The following TRMU variants were observed in gnomAD, a reference collection of about 807,000 sequenced individuals.
TRMU encodes mitochondrial tRNA-specific 2-thiouridylase 1.
Under a neutral mutation model 46.9 loss-of-function variants are expected in TRMU, and 49 were observed. That is an observed-to-expected ratio of 1.05 (90% CI 0.83 to 1.33). TRMU has a LOEUF of 1.33. Among genes scored for constraint, TRMU ranks in the 40% most tolerant of loss-of-function variants. TRMU has a pLI of 0.00. For synonymous variants in TRMU, 241 were observed against 200.9 expected, an observed-to-expected ratio of 1.20 and a Z score of -1.69; for missense variants, 572 against 532.4, an observed-to-expected ratio of 1.07 and a Z score of -0.73.
rs1209702570 is a variant in TRMU at position 46,335,763 on chromosome 22, G to A, written c.-2G>A. On this transcript the variant is annotated 5_prime_UTR_variant, in exon 1 of 11. Transcript: ENST00000645190. ...CAGCTGGCGAAGTTGGGCGACTGGC[G>A]GATGCAGGCCTTGCGGCACGTCGTG... 6 of 1,551,166 alleles carry A rather than the reference G, an allele frequency of 3.9e-6. No homozygotes were observed. The highest frequency in any genetic ancestry group is 5.2e-6 in the Non-Finnish European group (6 of 1,152,050).
chr22:46,343,820 C>T (rs1395957164), intron 3 of TRMU, among the ~76,000 whole-genome samples: 2 of 152,072 alleles, frequency 1.3e-5, no homozygotes, highest in Non-Finnish European at 2.9e-5. Context: ...AGTTCTGGCT[C>T]AGGCTTCTTG....
At chr22:46,355,689 G>C (rs1156556361) in intron 9 of TRMU, 101 bp downstream of exon 9, 2 of 1,572,064 alleles carry the variant, frequency 1.3e-6, no homozygotes, top group Non-Finnish European at 1.7e-6. Context: ...GGAAAGTCCC[G>C]TTGTGGAGAT....
chr22:46,350,334 C>CTTCT lies in TRMU; in HGVS notation c.527_530dup (p.Val180ProfsTer28). On this transcript the variant is annotated frameshift_variant, in exon 5 of 11. Transcript: ENST00000645190. LOFTEE classifies it high-confidence loss of function. The surrounding 1 kb of genome is among the most constrained non-coding windows in gnomAD (Gnocchi z 4.6). ...CAGCTGACAGCTTTAAAGACCAGACCTTCTTTCTCAGCCAGGTTTCCCAGG... is the reference window on the plus strand; with the variant it reads ...CAGCTGACAGCTTTAAAGACCAGACCTTCTTTCTTTCTCAGCCAGGTTTCCCAGG... 1 of 1,614,208 alleles carries CTTCT rather than the reference C, an allele frequency of 6.2e-7. No individual in the cohort carries two copies. Among genetic ancestry groups the CTTCT allele is most frequent in the Non-Finnish European group, 8.5e-7 (1 of 1,180,040 alleles).
intron 9 of TRMU, 37 bp from the exon 10 acceptor site, chr22:46,355,953 C>G: frequency 6.2e-7 from 1 of 1,610,214 alleles, no homozygotes; most frequent in Non-Finnish European, 8.5e-7. Context: ...CCAGGAAAGG[C>G]CTGTGCCCCC....
chr22:46,344,497 A>G (rs1014833473), intron 3 of TRMU, among the ~76,000 whole-genome samples: 2 of 152,220 alleles, frequency 1.3e-5, no homozygotes, highest in Non-Finnish European at 2.9e-5. Flanking sequence ...TTAGGATGAC[A>G]TTCTTTGTGT....
At chr22:46,346,574 A>G in intron 4 of TRMU, 30 bp downstream of exon 4, 1 of 1,601,728 alleles carries the variant, frequency 6.2e-7, no homozygotes, top group Non-Finnish European at 8.5e-7. Flanking sequence ...TCAGAGCCAA[A>G]TTCTTGTGAA....
intron 10 of TRMU, chr22:46,356,356 G>T: frequency 3.2e-5 from 16 of 504,078 alleles, no homozygotes; most frequent in South Asian, 3.1e-4. Context: ...AAATGGAAGG[G>T]GCATGAGGAC....
At chr22:46,353,345 G>A in intron 7 of TRMU, 1 of 257,904 alleles carries the variant, frequency 3.9e-6, no homozygotes, top group Admixed American at 4.7e-5. Flanking sequence ...ACATTGTGAG[G>A]GTGCGCAGAG....
chr22:46,338,047 C>T lies in TRMU; in HGVS notation c.248+103C>T, dbSNP rs1038171772. On this transcript the variant is annotated intron_variant, in intron 2 of 10. Transcript: ENST00000645190. This position sits in a 1 kb window ranked among gnomAD's most constrained non-coding sequence, Gnocchi z 4.5. ...GACCGACGCCTGTGCTGCAGCCCAG[C>T]GCTCTCCCTCCACGGTGGTGCTGAA... 109 of 1,511,782 alleles carry T rather than the reference C, an allele frequency of 7.2e-5. No homozygotes were observed. The highest frequency in any genetic ancestry group is 9.5e-5 in the Non-Finnish European group (104 of 1,092,546). 93.6% of individuals were successfully genotyped at this position (1,511,782 alleles called of 1,614,324 possible). A position where few individuals can be genotyped will look rare whatever the true frequency, so the allele number is the denominator to read the frequency against.
intron 1 of TRMU, among the ~76,000 whole-genome samples, chr22:46,337,183 C>T (rs1222025199): frequency 6.6e-6 from 1 of 152,174 alleles, no homozygotes; most frequent in Non-Finnish European, 1.5e-5. Flanking sequence ...TCATTACATT[C>T]AGCCTACCTA....
chr22:46,337,894 C>T lies in TRMU; in HGVS notation c.198C>T (p.Ile66=), dbSNP rs749041538. The T allele has an allele frequency of 6.8e-6, 11 of 1,614,190 alleles. No individual in the cohort carries two copies. The highest frequency in any genetic ancestry group is 8.5e-6 in the Non-Finnish European group (10 of 1,180,042). ...ACAGAGTTTGCCAGATCTTAGACAT[C>T]CCTTTCCATCAAGTGTCCTACGTAA... ...DAYRVCQILD[I]PFHQVSYVKE... The change falls in exon 2 of 11, where the codon ATC becomes ATT. Residue 66 remains isoleucine (I), a synonymous_variant. Transcript: ENST00000645190.
Position 46,350,093 on chromosome 22 carries a change from CTTG to C in TRMU, c.479-195_479-193del, listed in dbSNP as rs1431437623. ...AATAATTTCTTTGTCATGTAAAATC[CTTG>C]TTTTTTTTTTTGGAGGTGCGAATTT... On this transcript the variant is annotated intron_variant, in intron 4 of 10. Transcript: ENST00000645190. This position sits in a 1 kb window ranked among gnomAD's most constrained non-coding sequence, Gnocchi z 4.6. 1.3e-5 allele frequency among the ~76,000 whole-genome samples: 2 copies of C among 149,668 alleles called. No homozygotes were observed. Among genetic ancestry groups the C allele is most frequent in the Admixed American group, 6.7e-5 (1 of 15,010 alleles).
chr22:46,340,854 T>C (rs1260555524), intron 2 of TRMU, among the ~76,000 whole-genome samples: 1 of 152,218 alleles, frequency 6.6e-6, no homozygotes, highest in East Asian at 1.9e-4. Flanking sequence ...GGCGGCCGGG[T>C]AGAGTCTTTT....
At chr22:46,353,049 C>T (rs6007889) in intron 7 of TRMU, 7,614 of 162,692 alleles carry the variant, frequency 0.047, 640 homozygotes, top group African/African-American at 0.17. Context: ...GGAGATCTTC[C>T]ACCTCTTGTG....
intron 2 of TRMU, among the ~76,000 whole-genome samples, chr22:46,341,454 G>T (rs1454445764): frequency 1.1e-4 from 16 of 152,134 alleles, no homozygotes; most frequent in Admixed American, 1.0e-3. Flanking sequence ...CTTCTAGGGG[G>T]ACTGAGAAGT....
chr22:46,356,154 GC>G, intron 10 of TRMU, 82 bp downstream of exon 10: 1 of 1,524,112 alleles, frequency 6.6e-7, no homozygotes, highest in South Asian at 1.1e-5. Context: ...AGAGGAAGGG[GC>G]TGAGGCCCAG....
chr22:46,356,993 G>A lies in TRMU; in HGVS notation c.1253G>A (p.Ser418Asn). 6.2e-7 allele frequency: 1 copy of A among 1,613,572 alleles called. No homozygotes were observed. Among genetic ancestry groups the A allele is most frequent in the Non-Finnish European group, 8.5e-7 (1 of 1,180,024 alleles). Residue 418 changes from serine (S) to asparagine (N), a missense_variant, in exon 11 of 11, where the codon AGT (serine) becomes AAT (asparagine). By Grantham distance (46) the Ser-to-Asn change is conservative (BLOSUM62 1). Coordinates refer to ENST00000645190, the MANE Select transcript of TRMU (RefSeq NM_018006.5). The part of the protein sequence containing the change: ...SDSPEDGPGL[S>N]PLL Reference sequence around the variant, plus strand: ...AGCCCAGAAGATGGTCCAGGCCTGAGTCCCTTGCTCTGACAGAGATGGATC... The same window carrying A: ...AGCCCAGAAGATGGTCCAGGCCTGAATCCCTTGCTCTGACAGAGATGGATC...
Position 46,351,346 on chromosome 22 carries a change from G to A in TRMU, c.652-775G>A, listed in dbSNP as rs370887158. Among the ~76,000 whole-genome samples, 2 of 152,192 alleles carry A rather than the reference G, an allele frequency of 1.3e-5. No homozygotes were observed. Among genetic ancestry groups the A allele is most frequent in the East Asian group, 3.9e-4 (2 of 5,180 alleles). Reference sequence around the variant, plus strand: ...TCAAAAAGAGAGAACCCGGAGTGTTGGCGGAACTAGGATGAAGCCCGTGGG... The same window carrying A: ...TCAAAAAGAGAGAACCCGGAGTGTTAGCGGAACTAGGATGAAGCCCGTGGG... On this transcript the variant is annotated intron_variant, in intron 5 of 10. Transcript: ENST00000645190. This position sits in a 1 kb window ranked among gnomAD's most constrained non-coding sequence, Gnocchi z 6.4.
intron 8 of TRMU, chr22:46,354,538 A>T (rs957232581): frequency 1.3e-5 from 2 of 152,830 alleles, no homozygotes; most frequent in African/African-American, 4.8e-5. Flanking sequence ...GAGAAGGCCC[A>T]CTCTCAGCAC....
Sources: allele counts gnomAD v4.1 joint callset (sites outside exome capture counted in the v4.1 genomes callset), GRCh38; gene constraint gnomAD v4.1.1; non-coding constraint Gnocchi (gnomAD v3.1); transcripts MANE v1.5; gene names NCBI Gene and HGNC (gene_info 2026-07-23, HGNC 2026-07-21).